The following PLPPR1 variants were observed in gnomAD, a reference collection of about 807,000 sequenced individuals.
The protein encoded by PLPPR1 is phospholipid phosphatase related 1, also known as phospholipid phosphatase-related protein type 1.
A neutral mutation model predicts 33.1 loss-of-function variants in PLPPR1; 10 were observed. The ratio of observed to expected loss-of-function variants is 0.30; its 90% confidence interval spans 0.19 to 0.51. The LOEUF is 0.51. Among genes scored for constraint, PLPPR1 ranks in the 20% least tolerant of loss-of-function variants. The pLI is 0.97. For missense variants in PLPPR1, 304 were observed against 408.1 expected, an observed-to-expected ratio of 0.74 and a Z score of 2.20; for synonymous variants, 151 against 151.0, an observed-to-expected ratio of 1.00 and a Z score of 0.00.
intron 2 of PLPPR1, among the ~76,000 whole-genome samples, chr9:101,200,129 G>T (rs1826467626): frequency 6.6e-6 from 1 of 152,108 alleles, no homozygotes; most frequent in Non-Finnish European, 1.5e-5. Flanking sequence ...TAATTGACGG[G>T]GCATTGGCAG....
chr9:101,286,185 G>A lies in PLPPR1; in HGVS notation c.334G>A (p.Gly112Arg), dbSNP rs1260639911. The A allele has an allele frequency of 1.2e-5, 19 of 1,613,332 alleles. No individual in the cohort carries two copies. The highest frequency in any genetic ancestry group is 4.5e-5 in the East Asian group (2 of 44,856). The change falls in exon 4 of 8, where the codon GGA becomes AGA. Residue 112 changes from glycine (G) to arginine (R), a missense_variant. By Grantham distance (125) the Gly-to-Arg change is moderately radical. Coordinates refer to ENST00000374874, the MANE Select transcript of PLPPR1 (RefSeq NM_207299.2). ...LIAQEKTILT[G>R]ECCYLNPLLR... ...TGCTCAGGAGAAAACAATTCTGACC[G>A]GAGAATGCTGTTACCTGAACCCCTT...
intron 1 of PLPPR1, among the ~76,000 whole-genome samples, chr9:101,090,973 C>G (rs1830734200): frequency 6.6e-6 from 1 of 151,714 alleles, no homozygotes; most frequent in South Asian, 2.1e-4. Context: ...TTCCCCTCCT[C>G]CCTTTTCTTC....
chr9:101,217,865 C>A (rs1387947871), intron 2 of PLPPR1, among the ~76,000 whole-genome samples: 4 of 152,088 alleles, frequency 2.6e-5, no homozygotes, highest in African/African-American at 9.6e-5. Context: ...TGATAAATTT[C>A]TATATTAATA....
intron 4 of PLPPR1, among the ~76,000 whole-genome samples, chr9:101,303,407 T>C (rs1019679809): frequency 6.6e-6 from 1 of 152,184 alleles, no homozygotes; most frequent in African/African-American, 2.4e-5. Flanking sequence ...GTTCAAGTGA[T>C]TCTCCTGTCT....
At chr9:101,292,901 G>A (rs541298287) in intron 4 of PLPPR1, among the ~76,000 whole-genome samples, 10 of 151,114 alleles carry the variant, frequency 6.6e-5, no homozygotes, top group South Asian at 2.1e-4. Flanking sequence ...ATCAACTAAC[G>A]AGCAAAATAA....
Position 101,208,002 on chromosome 9 carries a change from A to G in PLPPR1, c.63+22445A>G, listed in dbSNP as rs575586958. 2.0e-5 allele frequency among the ~76,000 whole-genome samples: 3 copies of G among 152,302 alleles called. No individual in the cohort carries two copies. The East Asian group carries it at 5.8e-4, about 29-fold the overall frequency. ...AATTCTGATGCCTCCTGCAAAGTTG[A>G]AAGATCTGGTAACACTGGGATCACA... On this transcript the variant is annotated intron_variant, in intron 2 of 7. Transcript: ENST00000374874.
intron 1 of PLPPR1, among the ~76,000 whole-genome samples, chr9:101,093,013 T>A (rs1830766734): frequency 6.6e-6 from 1 of 152,152 alleles, no homozygotes; most frequent in African/African-American, 2.4e-5. Flanking sequence ...TCTAGGACTT[T>A]CCAGCTTCCA....
chr9:101,112,192 A>T (rs1475704005), intron 1 of PLPPR1, among the ~76,000 whole-genome samples: 1 of 152,214 alleles, frequency 6.6e-6, no homozygotes, highest in East Asian at 1.9e-4. Flanking sequence ...TGTGTCAAAA[A>T]TTATTCATGG....
chr9:101,038,592 T>C (rs546998464), intron 1 of PLPPR1, among the ~76,000 whole-genome samples: 1 of 152,140 alleles, frequency 6.6e-6, no homozygotes, highest in African/African-American at 2.4e-5. Context: ...CAACTGGTGA[T>C]TGAAGAGGCT....
intron 1 of PLPPR1, among the ~76,000 whole-genome samples, chr9:101,050,887 G>T (rs1209614629): frequency 6.6e-6 from 1 of 152,072 alleles, no homozygotes; most frequent in Non-Finnish European, 1.5e-5. Context: ...CATTGCCTCT[G>T]CACATCTCCT....
At chr9:101,315,206 C>T (rs1829029630) in intron 6 of PLPPR1, among the ~76,000 whole-genome samples, 1 of 152,126 alleles carries the variant, frequency 6.6e-6, no homozygotes, top group East Asian at 1.9e-4. Flanking sequence ...TTCCATCTGA[C>T]TGTATTTTTG....
chr9:101,149,781 A>G (rs1831560309), intron 1 of PLPPR1, among the ~76,000 whole-genome samples: 1 of 152,070 alleles, frequency 6.6e-6, no homozygotes, highest in Non-Finnish European at 1.5e-5. Flanking sequence ...CATCAATACT[A>G]TGTCAGGCTT....
intron 1 of PLPPR1, among the ~76,000 whole-genome samples, chr9:101,123,908 G>A (rs181901489): frequency 2.4e-4 from 36 of 152,122 alleles, no homozygotes; most frequent in African/African-American, 7.7e-4. Flanking sequence ...AGGCCACAAG[G>A]GGTTTTAGAC....
intron 1 of PLPPR1, among the ~76,000 whole-genome samples, chr9:101,120,609 A>G (rs773650896): frequency 1.7e-4 from 26 of 152,170 alleles, no homozygotes; most frequent in Non-Finnish European, 3.5e-4. Context: ...TCCTTCTTTT[A>G]TCTTAAGATA....
chr9:101,041,084 G>T (rs1830072499), intron 1 of PLPPR1, among the ~76,000 whole-genome samples: 1 of 152,160 alleles, frequency 6.6e-6, no homozygotes, highest in African/African-American at 2.4e-5. Flanking sequence ...CAATGTAGGG[G>T]CTTGGTCCCA....
At chr9:101,288,198 A>G (rs1320920739) in intron 4 of PLPPR1, among the ~76,000 whole-genome samples, 1 of 152,192 alleles carries the variant, frequency 6.6e-6, no homozygotes, top group African/African-American at 2.4e-5. Context: ...TCCAGGAACC[A>G]GTCCTCTAGA....
chr9:101,298,272 A>G (rs1350930039), intron 4 of PLPPR1, among the ~76,000 whole-genome samples: 1 of 152,194 alleles, frequency 6.6e-6, no homozygotes, highest in Non-Finnish European at 1.5e-5. Context: ...TCTAATAAAA[A>G]TTTAATTAAA....
intron 3 of PLPPR1, among the ~76,000 whole-genome samples, chr9:101,281,217 T>A (rs1828297210): frequency 6.6e-6 from 1 of 151,810 alleles, no homozygotes. Context: ...ATCAAATAAG[T>A]GAAAGAGCTC....
intron 2 of PLPPR1, among the ~76,000 whole-genome samples, chr9:101,221,737 G>A (rs867058343): frequency 9.2e-5 from 14 of 152,234 alleles, no homozygotes; most frequent in African/African-American, 3.4e-4. Context: ...AATGATGGCT[G>A]TTTCACTCTG....
Sources: allele counts gnomAD v4.1 joint callset (sites outside exome capture counted in the v4.1 genomes callset), GRCh38; gene constraint gnomAD v4.1.1; transcripts MANE v1.5; gene names NCBI Gene and HGNC (gene_info 2026-07-23, HGNC 2026-07-21).